Variants in RBFOX2 observed in about 807,000 individuals in gnomAD.
RBFOX2 encodes the protein RNA binding fox-1 homolog 2, also known as RNA binding protein fox-1 homolog 2.
Under a neutral mutation model 49.1 loss-of-function variants are expected in RBFOX2, and 10 were observed. That is an observed-to-expected ratio of 0.20 (90% CI 0.13 to 0.35). The LOEUF (loss-of-function observed/expected upper bound fraction) is 0.35. RBFOX2 is among the 10% of genes least tolerant of loss of function. The pLI is 1.00. For synonymous variants in RBFOX2, 183 were observed against 187.4 expected (o/e 0.98, Z 0.19); for missense variants, 323 against 486.9 (o/e 0.66, Z 3.17).
chr22:35,810,135 G>C, intron 1 of RBFOX2, 131 bp from the exon 3 acceptor site: 1 of 833,146 alleles, frequency 1.2e-6, no homozygotes, highest in Non-Finnish European at 1.9e-6. Flanking sequence ...TATTGCTCCA[G>C]GATTGGAGAA....
At chr22:35,922,617 T>C (rs145969027) in intron 1 of RBFOX2, among the ~76,000 whole-genome samples, 4 of 151,560 alleles carry the variant, frequency 2.6e-5, no homozygotes, top group African/African-American at 9.7e-5. Flanking sequence ...CTTTGGTCTA[T>C]GGGCTACTTG....
At chr22:35,877,824 T>G (rs1211143318) in intron 1 of RBFOX2, among the ~76,000 whole-genome samples, 2 of 152,050 alleles carry the variant, frequency 1.3e-5, no homozygotes, top group South Asian at 4.1e-4. Flanking sequence ...GTTCTACCAC[T>G]ATAAATTCTA....
intron 1 of RBFOX2, among the ~76,000 whole-genome samples, chr22:35,984,935 T>G (rs191539355): frequency 2.3e-3 from 345 of 152,186 alleles, no homozygotes; most frequent in Middle Eastern, 6.8e-3. Context: ...GATACAACAT[T>G]AAATGAGACA....
chr22:35,768,942 T>G (rs537771398), intron 4 of RBFOX2, among the ~76,000 whole-genome samples: 1 of 152,318 alleles, frequency 6.6e-6, no homozygotes, highest in East Asian at 1.9e-4. Context: ...GCATAGTCGG[T>G]GTACAATTTT....
At chr22:35,824,420 C>G (rs992506390) in intron 1 of RBFOX2, 1 of 152,190 alleles carries the variant, frequency 6.6e-6, no homozygotes, top group African/African-American at 2.4e-5. Flanking sequence ...CCCGTTACCC[C>G]ACTGATCTCT....
intron 1 of RBFOX2, among the ~76,000 whole-genome samples, chr22:35,970,304 T>C (rs1019967538): frequency 6.6e-6 from 1 of 152,122 alleles, no homozygotes; most frequent in South Asian, 2.1e-4. Flanking sequence ...CCTCGCTACC[T>C]AGAAACAGCA....
intron 1 of RBFOX2, among the ~76,000 whole-genome samples, chr22:35,823,107 C>T (rs555272097): frequency 6.6e-6 from 1 of 152,192 alleles, no homozygotes; most frequent in Non-Finnish European, 1.5e-5. Context: ...AGGCATGAGC[C>T]ACCGCATCCG....
At chr22:35,760,531 G>C (rs898659459) in intron 8 of RBFOX2, among the ~76,000 whole-genome samples, 1 of 152,116 alleles carries the variant, frequency 6.6e-6, no homozygotes, top group Non-Finnish European at 1.5e-5. Context: ...ATAGTCTTTA[G>C]ACATTTCATT....
At chr22:35,956,039 A>G (rs1885463811) in intron 1 of RBFOX2, among the ~76,000 whole-genome samples, 1 of 152,232 alleles carries the variant, frequency 6.6e-6, no homozygotes, top group Admixed American at 6.5e-5. Flanking sequence ...CTGTTAATAT[A>G]AAAATTCATT....
chr22:35,912,528 G>A (rs1233469732), intron 1 of RBFOX2, among the ~76,000 whole-genome samples: 2 of 152,170 alleles, frequency 1.3e-5, no homozygotes, highest in Non-Finnish European at 2.9e-5. Context: ...AGTACCTGAG[G>A]ATGAGTAGCT....
rs551429565 is a variant in RBFOX2, at chr22:35,907,852, G to A, written c.-34+30995C>T. Among the ~76,000 whole-genome samples the A allele has an allele frequency of 1.4e-4, 21 of 152,002 alleles. 1 individual carries two copies. Among genetic ancestry groups the A allele is most frequent in the South Asian group, 6.2e-4 (3 of 4,806 alleles). ...AGTGGAGACGGGTTTTTGTCACATCGGCCAGACTGATCTCGAACTTCTGAC... is the reference window on the plus strand; with the variant it reads ...AGTGGAGACGGGTTTTTGTCACATCAGCCAGACTGATCTCGAACTTCTGAC... On this transcript the variant is annotated intron_variant, in intron 1 of 13. Coordinates refer to the RBFOX2 transcript ENST00000359369.
chr22:35,793,602 A>G (rs1948206174), intron 2 of RBFOX2, among the ~76,000 whole-genome samples: 1 of 152,266 alleles, frequency 6.6e-6, no homozygotes, highest in Non-Finnish European at 1.5e-5. Flanking sequence ...AATTGAATAT[A>G]AAATTATTTT....
intron 1 of RBFOX2, among the ~76,000 whole-genome samples, chr22:35,952,433 G>A (rs1358873267): frequency 1.3e-5 from 2 of 152,132 alleles, no homozygotes; most frequent in African/African-American, 4.8e-5. Context: ...AAATGCTGAG[G>A]ACACAAAGAT....
chr22:35,881,017 C>G (rs889897488), intron 1 of RBFOX2, among the ~76,000 whole-genome samples: 1 of 152,194 alleles, frequency 6.6e-6, no homozygotes, highest in Non-Finnish European at 1.5e-5. Flanking sequence ...GTAATCCCAG[C>G]ACTTTGGGAG....
intron 4 of RBFOX2, among the ~76,000 whole-genome samples, chr22:35,771,453 G>T (rs1010083567): frequency 8.5e-5 from 13 of 152,136 alleles, no homozygotes; most frequent in African/African-American, 3.1e-4. Flanking sequence ...AACCCAACAC[G>T]TTGATTTTAG....
At chr22:35,872,512 G>A (rs1336724461) in intron 1 of RBFOX2, among the ~76,000 whole-genome samples, 2 of 152,208 alleles carry the variant, frequency 1.3e-5, no homozygotes, top group Admixed American at 1.3e-4. Context: ...TGAGTGCAAA[G>A]TTTTATTGAG....
intron 2 of RBFOX2, among the ~76,000 whole-genome samples, chr22:35,789,416 G>A (rs969141557): frequency 7.9e-5 from 12 of 152,054 alleles, no homozygotes; most frequent in East Asian, 5.8e-4. Flanking sequence ...GGTGGTGCGC[G>A]CCTGTAATCC....
chr22:36,002,563 C>T (rs1188915919), intron 1 of RBFOX2, among the ~76,000 whole-genome samples: 3 of 152,218 alleles, frequency 2.0e-5, no homozygotes, highest in African/African-American at 2.4e-5. Context: ...CACAGAAGTT[C>T]TCCAGAACAT....
At chr22:35,843,838 T>C (rs921018799), upstream of RBFOX2, among the ~76,000 whole-genome samples, 30 of 152,168 alleles carry the variant, frequency 2.0e-4, no homozygotes, top group Admixed American at 1.8e-3. Flanking sequence ...TTTTCTTATA[T>C]GCATTTCCAC....
Sources: allele counts gnomAD v4.1 joint callset (sites outside exome capture counted in the v4.1 genomes callset), GRCh38; gene constraint gnomAD v4.1.1; transcripts MANE v1.5; gene names NCBI Gene and HGNC (gene_info 2026-07-23, HGNC 2026-07-21).